TTC12: variants seen among roughly 807,000 people sequenced by gnomAD.
The protein encoded by TTC12 is tetratricopeptide repeat protein 12.
In TTC12, 70 loss-of-function variants were observed where a neutral mutation model predicts 90.1. That is an observed-to-expected ratio of 0.78 (90% confidence interval 0.64 to 0.95). The LOEUF (loss-of-function observed/expected upper bound fraction) is 0.95, where lower values mean the gene tolerates loss of function less well. TTC12 is among the 40% of genes least tolerant of loss of function. TTC12 has a pLI of 0.00. For synonymous variants in TTC12, 296 were observed against 311.5 expected (o/e 0.95, Z 0.53); for missense variants, 819 against 846.1 (o/e 0.97, Z 0.40).
At position 113,324,086 on chromosome 11, in the gene TTC12, A is replaced by T. The variant is rs570900227; in HGVS notation, c.244+71A>T. 3.9e-6 allele frequency: 5 copies of T among 1,270,832 alleles called. No homozygotes were observed. In the South Asian group the frequency reaches 6.3e-5, roughly 16 times the overall value. 78.7% of individuals were successfully genotyped at this position (1,270,832 alleles called of 1,614,324 possible). ...CCAGTTTTGATTGATTGTAGCTCCCAGACCCTTAAATTATTGCCTTTGAGC... is the reference window on the plus strand; with the variant it reads ...CCAGTTTTGATTGATTGTAGCTCCCTGACCCTTAAATTATTGCCTTTGAGC... On this transcript the variant is annotated intron_variant, in intron 4 of 21. Coordinates refer to ENST00000529221, the MANE Select transcript of TTC12 (RefSeq NM_017868.4).
intron 2 of TTC12, among the ~76,000 whole-genome samples, chr11:113,320,422 G>A (rs920533603): frequency 1.3e-5 from 2 of 152,102 alleles, no homozygotes; most frequent in Non-Finnish European, 2.9e-5. Context: ...ATGTCTGAAC[G>A]CCGAGAGGAG....
Position 113,316,362 on chromosome 11 carries a change from A to C in TTC12, c.58+47A>C, listed in dbSNP as rs144853634. 227 of 1,017,530 alleles carry C rather than the reference A, an allele frequency of 2.2e-4. No homozygotes were observed. The African/African-American group carries it at 3.2e-3, about 14-fold the overall frequency. 63.0% of individuals were successfully genotyped at this position (1,017,530 alleles called of 1,614,324 possible). A position where few individuals can be genotyped will look rare whatever the true frequency, so the allele number is the denominator to read the frequency against. On this transcript the variant is annotated intron_variant, in intron 2 of 21. Transcript: ENST00000529221. ...ATTAATTTCTGCTTTAGAGAAGTGG[A>C]GTAGATAAATGATTGCTCTAAGTTC... is the stretch of plus-strand genomic sequence containing the variant.
At chr11:113,342,226 C>G (rs1948725046) in intron 12 of TTC12, among the ~76,000 whole-genome samples, 1 of 152,124 alleles carries the variant, frequency 6.6e-6, no homozygotes, top group African/African-American at 2.4e-5. Flanking sequence ...TGGAGTTTTT[C>G]TTTTCTTGTC....
At chr11:113,324,746 C>T (rs1239279098) in intron 5 of TTC12, 64 bp downstream of exon 5, 6 of 1,421,510 alleles carry the variant, frequency 4.2e-6, no homozygotes, top group African/African-American at 1.4e-5. Flanking sequence ...CACACGAAGG[C>T]CTGTATGCTG....
chr11:113,366,697 C>T (rs934156116), downstream of TTC12, among the ~76,000 whole-genome samples: 1 of 152,352 alleles, frequency 6.6e-6, no homozygotes, highest in East Asian at 1.9e-4. Flanking sequence ...TTGTTGGTAG[C>T]AGCATTTCAG....
At chr11:113,339,185 C>T in intron 9 of TTC12, 101 bp from the exon 10 acceptor site, 3 of 973,370 alleles carry the variant, frequency 3.1e-6, no homozygotes, top group Non-Finnish European at 3.0e-6. Flanking sequence ...TTATGCTTCT[C>T]AAACTCCCAT....
chr11:113,350,800 T>C (rs1430948338), intron 14 of TTC12, among the ~76,000 whole-genome samples: 6 of 152,254 alleles, frequency 3.9e-5, no homozygotes, highest in African/African-American at 1.4e-4. Flanking sequence ...GCCAGCCAGC[T>C]GGCACGGGCC....
intron 2 of TTC12, among the ~76,000 whole-genome samples, chr11:113,320,968 A>G (rs782236639): frequency 4.6e-5 from 7 of 152,182 alleles, no homozygotes; most frequent in African/African-American, 9.7e-5. Context: ...GCTTGAGCCC[A>G]GGGGTTCAAA....
At chr11:113,353,394 A>G (rs1260033995) in intron 16 of TTC12, among the ~76,000 whole-genome samples, 1 of 152,134 alleles carries the variant, frequency 6.6e-6, no homozygotes, top group African/African-American at 2.4e-5. Flanking sequence ...TAGTTTGCAA[A>G]AACTTTCTCC....
At chr11:113,316,175 T>A (rs1946927833) in intron 1 of TTC12, 68 bp from the exon 2 acceptor site, 1 of 700,438 alleles carries the variant, frequency 1.4e-6, no homozygotes, top group South Asian at 5.5e-5. Flanking sequence ...TTTAGAAGGC[T>A]AATAAGCCTG....
chr11:113,361,845 A>G (rs1447799862), intron 18 of TTC12, among the ~76,000 whole-genome samples: 4 of 152,166 alleles, frequency 2.6e-5, no homozygotes, highest in African/African-American at 7.2e-5. Flanking sequence ...ATCCAAAAGA[A>G]ATAGAGATGA....
chr11:113,371,337 T>A (rs1235600715), downstream of TTC12: 1 of 152,200 alleles, frequency 6.6e-6, no homozygotes, highest in African/African-American at 2.4e-5. Flanking sequence ...AAATTCTATG[T>A]AAATAGTGGA....
At chr11:113,348,686 C>T (rs1203800225) in intron 13 of TTC12, among the ~76,000 whole-genome samples, 5 of 152,244 alleles carry the variant, frequency 3.3e-5, no homozygotes, top group African/African-American at 1.2e-4. Flanking sequence ...CTAGGAATCA[C>T]ATGAGGACTT....
intron 21 of TTC12, among the ~76,000 whole-genome samples, chr11:113,372,802 C>T (rs1950419470): frequency 6.6e-6 from 1 of 152,070 alleles, no homozygotes; most frequent in East Asian, 1.9e-4. Context: ...CCAGTTAGGC[C>T]AGCCAATGTT....
At chr11:113,318,895 C>T (rs1353835818) in intron 2 of TTC12, among the ~76,000 whole-genome samples, 1 of 152,066 alleles carries the variant, frequency 6.6e-6, no homozygotes, top group African/African-American at 2.4e-5. Context: ...ACCTTGGAAA[C>T]CATGGTAAGG....
intron 6 of TTC12, among the ~76,000 whole-genome samples, chr11:113,326,913 A>C (rs1298808964): frequency 1.3e-5 from 2 of 152,202 alleles, no homozygotes; most frequent in Non-Finnish European, 2.9e-5. Context: ...CAATAAGTCC[A>C]ATTAAGGGAG....
rs1259046684 is a variant in TTC12, at chr11:113,323,426, T to A, written c.197T>A (p.Ile66Asn). ...AGGACCACCTTGAACAAGACTATGATCAGTCCTCCACAAACTGCTATGAAG... is the reference window on the plus strand; with the variant it reads ...AGGACCACCTTGAACAAGACTATGAACAGTCCTCCACAAACTGCTATGAAG... ...ECRTTLNKTM[I>N]SPPQTAMKSA... The change falls in exon 3 of 22, where the codon ATC becomes AAC. Residue 66 changes from isoleucine to asparagine, a missense_variant. By Grantham distance (149) the Ile-to-Asn change is moderately radical. Coordinates refer to ENST00000529221, the MANE Select transcript of TTC12 (RefSeq NM_017868.4). The A allele has an allele frequency of 1.2e-6, 2 of 1,605,554 alleles. No homozygotes were observed. Among genetic ancestry groups the A allele is most frequent in the African/African-American group, 1.3e-5 (1 of 74,362 alleles).
intron 18 of TTC12, among the ~76,000 whole-genome samples, chr11:113,361,526 A>T (rs1294648522): frequency 6.6e-6 from 1 of 152,224 alleles, no homozygotes; most frequent in Non-Finnish European, 1.5e-5. Context: ...AACTCCCGAT[A>T]CAACAGAGAG....
At chr11:113,359,490 G>T in intron 17 of TTC12, 29 bp downstream of exon 17, 7 of 1,482,344 alleles carry the variant, frequency 4.7e-6, no homozygotes, top group Non-Finnish European at 6.6e-6. Flanking sequence ...CCTGCCTGGA[G>T]CCCTGGGACA....
Sources: allele counts gnomAD v4.1 joint callset (sites outside exome capture counted in the v4.1 genomes callset), GRCh38; gene constraint gnomAD v4.1.1; transcripts MANE v1.5; gene names NCBI Gene and HGNC (gene_info 2026-07-23, HGNC 2026-07-21).